Variants in ANKS1B observed in about 807,000 individuals in gnomAD.
ANKS1B encodes the protein ankyrin repeat and sterile alpha motif domain-containing protein 1B.
Under a neutral mutation model 148.3 loss-of-function variants are expected in ANKS1B, and 36 were observed. The ratio of observed to expected loss-of-function variants is 0.24; its 90% CI spans 0.19 to 0.32. The LOEUF (loss-of-function observed/expected upper bound fraction) is 0.32, where lower values mean the gene tolerates loss of function less well. Among genes scored for constraint, ANKS1B ranks in the 10% least tolerant of loss-of-function variants. The probability of loss-of-function intolerance (pLI) is 1.00; values close to 1 mark genes in which losing one functional copy is unlikely to be tolerated. For missense variants in ANKS1B, 1,157 were observed against 1,542.6 expected, an observed-to-expected ratio of 0.75 and a Z score of 4.19; for synonymous variants, 542 against 560.8, an observed-to-expected ratio of 0.97 and a Z score of 0.47.
intron 11 of ANKS1B, among the ~76,000 whole-genome samples, chr12:99,409,430 G>C (rs973803022): frequency 3.9e-5 from 6 of 152,058 alleles, no homozygotes; most frequent in Non-Finnish European, 8.8e-5. Flanking sequence ...ATAAGATCTA[G>C]TATTTGATAG....
intron 1 of ANKS1B, among the ~76,000 whole-genome samples, chr12:99,897,960 A>C (rs1400084689): frequency 6.6e-6 from 1 of 151,954 alleles, no homozygotes; most frequent in Non-Finnish European, 1.5e-5. Flanking sequence ...GGTGAAACTT[A>C]CACTGAGAAA....
chr12:99,532,936 T>A (rs1336409472), intron 9 of ANKS1B, among the ~76,000 whole-genome samples: 1 of 152,206 alleles, frequency 6.6e-6, no homozygotes, highest in African/African-American at 2.4e-5. Flanking sequence ...AGCCCTGTAG[T>A]ATAACATGAA....
At chr12:99,643,050 C>T (rs560098043) in intron 9 of ANKS1B, among the ~76,000 whole-genome samples, 3 of 152,214 alleles carry the variant, frequency 2.0e-5, no homozygotes, top group South Asian at 4.1e-4. Flanking sequence ...ATATATGTCC[C>T]TTTTGTCATA....
intron 16 of ANKS1B, among the ~76,000 whole-genome samples, chr12:99,071,176 A>G (rs191557064): frequency 3.9e-5 from 6 of 152,348 alleles, no homozygotes; most frequent in Admixed American, 3.9e-4. Context: ...TTCCTTTGCT[A>G]GACTAAAATC....
intron 17 of ANKS1B, among the ~76,000 whole-genome samples, chr12:98,839,071 C>A (rs2099391054): frequency 6.6e-6 from 1 of 152,162 alleles, no homozygotes; most frequent in Non-Finnish European, 1.5e-5. Flanking sequence ...TAATCCATGT[C>A]CAGCATGGGA....
chr12:99,750,161 G>C (rs1222078059), intron 8 of ANKS1B, among the ~76,000 whole-genome samples: 1 of 151,832 alleles, frequency 6.6e-6, no homozygotes, highest in East Asian at 1.9e-4. Context: ...TGTGAGTGAG[G>C]CACTTATAAT....
intron 12 of ANKS1B, among the ~76,000 whole-genome samples, chr12:99,291,313 A>G (rs1291220244): frequency 6.6e-6 from 1 of 152,200 alleles, no homozygotes; most frequent in Non-Finnish European, 1.5e-5. Flanking sequence ...AAATGCTCAT[A>G]CTAACCAAAG....
chr12:99,556,912 A>T (rs1054881014), intron 9 of ANKS1B, among the ~76,000 whole-genome samples: 3 of 152,172 alleles, frequency 2.0e-5, no homozygotes, highest in Non-Finnish European at 4.4e-5. Flanking sequence ...AGAAGAATGT[A>T]TATTACATTG....
At chr12:99,350,307 C>G (rs2091262387) in intron 12 of ANKS1B, among the ~76,000 whole-genome samples, 1 of 151,988 alleles carries the variant, frequency 6.6e-6, no homozygotes, top group African/African-American at 2.4e-5. Flanking sequence ...ACAATTAAAC[C>G]TCTTTTCTTT....
chr12:98,940,930 T>C (rs1247523445), intron 17 of ANKS1B, among the ~76,000 whole-genome samples: 1 of 152,180 alleles, frequency 6.6e-6, no homozygotes, highest in Non-Finnish European at 1.5e-5. Flanking sequence ...GACACAAAAA[T>C]TGACATATGG....
In ANKS1B at chr12:99,812,198, A is replaced by G. The variant is rs1158939926; in HGVS notation, c.329T>C (p.Ile110Thr). 8 of 1,611,944 alleles carry G rather than the reference A, an allele frequency of 5.0e-6. No homozygotes were observed. Among genetic ancestry groups the G allele is most frequent in the African/African-American group, 4.0e-5 (3 of 74,792 alleles). ...ATGTGATGGTCCATGATGAATAAGA[A>G]TCTTCACAATTTCCACATCTCCTTT... is the stretch of plus-strand genomic sequence containing the variant. ...AWKGDVEIVKILIHHGPSHSR... is the reference protein window; with the variant it reads ...AWKGDVEIVKTLIHHGPSHSR... The change falls in exon 3 of 27, where the codon ATT becomes ACT. Residue 110 changes from isoleucine (I) to threonine (T), a missense_variant. Around this residue, in one of 6 missense-constraint regions of ANKS1B, gnomAD observed 164 missense variants for 232.6 expected, o/e 0.71. Transcript: ENST00000683438.
At chr12:99,412,721 A>T (rs1053231315) in intron 11 of ANKS1B, among the ~76,000 whole-genome samples, 35 of 152,282 alleles carry the variant, frequency 2.3e-4, no homozygotes, top group Non-Finnish European at 3.1e-4. Context: ...GAGGAGGAAA[A>T]TGTAAACACT....
intron 1 of ANKS1B, among the ~76,000 whole-genome samples, chr12:99,967,130 T>TA (rs2095493714): frequency 6.6e-6 from 1 of 152,170 alleles, no homozygotes; most frequent in South Asian, 2.1e-4. Context: ...AATATATAAT[T>TA]ATGATTTATA....
At chr12:99,731,813 G>C (rs1351372235) in intron 8 of ANKS1B, among the ~76,000 whole-genome samples, 2 of 152,060 alleles carry the variant, frequency 1.3e-5, no homozygotes, top group African/African-American at 4.8e-5. Context: ...CTGTAAAACT[G>C]GGCTTCATCA....
chr12:98,757,777 T>C (rs2153425565), intron 25 of ANKS1B, among the ~76,000 whole-genome samples: 1 of 152,380 alleles, frequency 6.6e-6, no homozygotes, highest in African/African-American at 2.4e-5. Context: ...TCTCCGACCT[T>C]GGCTCTTCCT....
chr12:98,792,734 T>C (rs866479468), intron 22 of ANKS1B, among the ~76,000 whole-genome samples: 41 of 152,230 alleles, frequency 2.7e-4, no homozygotes, highest in Middle Eastern at 3.2e-3. Flanking sequence ...CTATTTCACT[T>C]AACATAATGT....
At position 99,356,015 on chromosome 12, in the gene ANKS1B, GT is replaced by G. The variant is rs565086151; in HGVS notation, c.1756+43615del. Among the ~76,000 whole-genome samples, 322 of 152,218 alleles carry G rather than the reference GT, an allele frequency of 2.1e-3. 2 individuals are homozygous for G. The highest frequency in any genetic ancestry group is 3.7e-3 in the Admixed American group (57 of 15,264). On this transcript the variant is annotated intron_variant, in intron 12 of 26. Transcript: ENST00000683438. ...AAACTACAATAATTGAACAGGAAAA[GT>G]TTAATGTATAAAGAATTAGCAACTA...
chr12:99,851,678 A>G (rs1020332772), intron 1 of ANKS1B, among the ~76,000 whole-genome samples: 2 of 152,290 alleles, frequency 1.3e-5, no homozygotes, highest in Admixed American at 6.5e-5. Flanking sequence ...ATAATGTACT[A>G]TCTCTTATAA....
chr12:98,834,598 C>T (rs1055858956), intron 17 of ANKS1B, among the ~76,000 whole-genome samples: 1 of 152,222 alleles, frequency 6.6e-6, no homozygotes, highest in African/African-American at 2.4e-5. Flanking sequence ...CTTCTGCCCA[C>T]TCACACAGCC....
Sources: allele counts gnomAD v4.1 joint callset (sites outside exome capture counted in the v4.1 genomes callset), GRCh38; gene constraint gnomAD v4.1.1; regional missense constraint gnomAD v4.1.1; transcripts MANE v1.5; gene names NCBI Gene and HGNC (gene_info 2026-07-23, HGNC 2026-07-21).